Variants in ANXA8 observed in about 807,000 individuals in gnomAD.
ANXA8 encodes VAC-beta.
A neutral mutation model predicts 26.8 loss-of-function variants in ANXA8; 9 were observed. The observed-to-expected ratio is 0.34, with a 90% CI of 0.20 to 0.59. The LOEUF (loss-of-function observed/expected upper bound fraction) is 0.59. Among genes scored for constraint, ANXA8 ranks in the 20% least tolerant of loss-of-function variants. ANXA8 has a pLI of 0.84. For synonymous variants in ANXA8, 39 were observed against 94.8 expected (o/e 0.41, Z 3.42); for missense variants, 83 against 238.5 (o/e 0.35, Z 4.29).
the ANXA8 span, among the ~76,000 whole-genome samples, chr10:47,740,367 G>A: frequency 2.8e-5 from 4 of 145,452 alleles, no homozygotes; most frequent in South Asian, 8.5e-4. Flanking sequence ...AAAAAAAATT[G>A]CATGAAAACG....
At chr10:47,726,687 CCTTCTA>C in the ANXA8 span, among the ~76,000 whole-genome samples, 1 of 152,234 alleles carries the variant, frequency 6.6e-6, no homozygotes, top group Non-Finnish European at 1.5e-5. Context: ...ACCTTTTTTT[CCTTCTA>C]GGATGTCACA....
the ANXA8 span, among the ~76,000 whole-genome samples, chr10:47,580,561 C>G: frequency 3.3e-5 from 5 of 150,462 alleles, no homozygotes; most frequent in Non-Finnish European, 7.4e-5. Flanking sequence ...CATGGTAAAA[C>G]CCTGTCTCTA....
chr10:47,918,735 C>T, the ANXA8 span: 1 of 30,516 alleles, frequency 3.3e-5, no homozygotes, highest in East Asian at 3.8e-4. Flanking sequence ...GCCTGGTGCC[C>T]CCTGGGCACA....
At chr10:47,502,780 T>C in the ANXA8 span, 37 of 1,570,642 alleles carry the variant, frequency 2.4e-5, 5 homozygotes, top group Non-Finnish European at 3.1e-5. Flanking sequence ...TTTACTGCTC[T>C]TGCATGACTG....
the ANXA8 span, among the ~76,000 whole-genome samples, chr10:47,939,303 CAA>C: frequency 4.7e-3 from 382 of 81,124 alleles, 8 homozygotes; most frequent in Admixed American, 0.012. Context: ...AACTCTGTCT[CAA>C]AAAAAAAAAA....
chr10:47,733,183 TTC>T, the ANXA8 span, among the ~76,000 whole-genome samples: 2 of 86,960 alleles, frequency 2.3e-5, no homozygotes, highest in African/African-American at 6.4e-5. Context: ...CTTTCTTTCT[TTC>T]TTTCTTTCTT....
chr10:47,706,397 T>A, the ANXA8 span: 1 of 550,502 alleles, frequency 1.8e-6, no homozygotes, highest in Non-Finnish European at 3.1e-6. Context: ...CCGGGCAAGA[T>A]GAATATTCTA....
intron 3 of ANXA8, 50 bp downstream of exon 3, chr10:47,478,481 ACC>A: frequency 1.2e-6 from 1 of 859,330 alleles, no homozygotes; most frequent in Non-Finnish European, 1.9e-6. Flanking sequence ...CCCAGGCTGT[ACC>A]CCCAACCCCA....
the ANXA8 span, among the ~76,000 whole-genome samples, chr10:47,683,020 CAA>C: frequency 5.3e-5 from 8 of 152,164 alleles, no homozygotes; most frequent in South Asian, 2.1e-4. Flanking sequence ...AAAAGTTATG[CAA>C]AGAGAGTCGA....
At chr10:47,749,013 G>GT in the ANXA8 span, among the ~76,000 whole-genome samples, 145 of 89,848 alleles carry the variant, frequency 1.6e-3, no homozygotes, top group African/African-American at 5.8e-3. Context: ...CAGGCAGACT[G>GT]TTTGAGCTCT....
At chr10:47,660,652 C>T in the ANXA8 span, among the ~76,000 whole-genome samples, 13 of 151,884 alleles carry the variant, frequency 8.6e-5, no homozygotes, top group Admixed American at 4.6e-4. Flanking sequence ...CTGCCTGCCT[C>T]GGTCTCCCAA....
chr10:47,626,661 T>C, the ANXA8 span, among the ~76,000 whole-genome samples: 1 of 150,300 alleles, frequency 6.7e-6, no homozygotes, highest in Admixed American at 6.6e-5. Context: ...TTTACCCTTG[T>C]AAAAGTGGCA....
the ANXA8 span, among the ~76,000 whole-genome samples, chr10:47,747,286 T>G: frequency 6.6e-6 from 1 of 151,988 alleles, no homozygotes; most frequent in South Asian, 2.1e-4. Context: ...CAAGATATCA[T>G]GTAGAAGGGA....
At chr10:47,981,964 G>C in the ANXA8 span, among the ~76,000 whole-genome samples, 4 of 151,802 alleles carry the variant, frequency 2.6e-5, no homozygotes, top group African/African-American at 9.6e-5. Context: ...ACATGATCTT[G>C]AAAGAGAGAG....
the ANXA8 span, among the ~76,000 whole-genome samples, chr10:47,669,713 T>TCAAAAA: frequency 0.022 from 3,308 of 149,388 alleles, 14 homozygotes; most frequent in African/African-American, 0.029. Flanking sequence ...AGACCCTATC[T>TCAAAAA]CAAAAACAAA....
chr10:47,655,849 C>T, the ANXA8 span, among the ~76,000 whole-genome samples: 1 of 151,632 alleles, frequency 6.6e-6, no homozygotes, highest in Non-Finnish European at 1.5e-5. Context: ...TGAGAAACTC[C>T]ATCCCTATTA....
the ANXA8 span, among the ~76,000 whole-genome samples, chr10:47,586,988 T>G: frequency 2.8e-5 from 4 of 143,774 alleles, no homozygotes; most frequent in African/African-American, 8.7e-5. Context: ...TGGCAGAACA[T>G]GAGGTCAAGA....
the ANXA8 span, among the ~76,000 whole-genome samples, chr10:47,957,576 T>C: frequency 6.7e-6 from 1 of 149,834 alleles, no homozygotes; most frequent in Non-Finnish European, 1.5e-5. Context: ...AGAAGATTTG[T>C]ATTATTTTCT....
At chr10:47,715,939 A>G in the ANXA8 span, 8 of 975,480 alleles carry the variant, frequency 8.2e-6, no homozygotes, top group Non-Finnish European at 9.0e-6. Context: ...GCTGGAATAC[A>G]GTGGTGTGAA....
Sources: gnomAD v4.1 joint callset for allele counts (sites outside exome capture counted in the v4.1 genomes callset) on GRCh38, gnomAD v4.1.1 for gene constraint, MANE v1.5 for transcripts, NCBI Gene and HGNC (gene_info 2026-07-23, HGNC 2026-07-21) for gene names.